Variants in LYPD6 observed in about 807,000 individuals in gnomAD.
The protein encoded by LYPD6 is LY6/PLAUR domain containing 6, also known as ly6/PLAUR domain-containing protein 6.
Under a neutral mutation model 22.7 loss-of-function variants are expected in LYPD6, and 15 were observed. The ratio of observed to expected loss-of-function variants is 0.66; its 90% CI spans 0.44 to 1.02. The LOEUF is 1.02. Ranked by LOEUF, LYPD6 falls within the 50% of genes least tolerant of loss-of-function variation. The probability of loss-of-function intolerance (pLI) is 0.00; values close to 1 mark genes in which losing one functional copy is unlikely to be tolerated. For missense variants in LYPD6, 189 were observed against 208.4 expected, an observed-to-expected ratio of 0.91 and a Z score of 0.57; for synonymous variants, 72 against 77.5, an observed-to-expected ratio of 0.93 and a Z score of 0.37.
chr2:149,376,072 G>A (rs1681914484), intron 1 of LYPD6, among the ~76,000 whole-genome samples: 2 of 152,162 alleles, frequency 1.3e-5, no homozygotes, highest in African/African-American at 2.4e-5. Flanking sequence ...AAACACAAAA[G>A]GGCTGCATGC....
At chr2:149,378,912 A>C (rs902544743) in intron 1 of LYPD6, among the ~76,000 whole-genome samples, 6 of 152,208 alleles carry the variant, frequency 3.9e-5, no homozygotes, top group African/African-American at 1.4e-4. Flanking sequence ...CCTTGACCGG[A>C]ATATAGATCA....
At chr2:149,331,013 G>T (rs966800697) in intron 1 of LYPD6, among the ~76,000 whole-genome samples, 1 of 152,202 alleles carries the variant, frequency 6.6e-6, no homozygotes, top group Non-Finnish European at 1.5e-5. Context: ...GAGCTGCCAA[G>T]TTCAAGGCTG....
intron 1 of LYPD6, among the ~76,000 whole-genome samples, chr2:149,341,301 C>T (rs1432149229): frequency 6.6e-6 from 1 of 152,134 alleles, no homozygotes; most frequent in Admixed American, 6.5e-5. Context: ...TGCTTCTCAT[C>T]CTTCAAAGCC....
At chr2:149,415,987 T>G (rs1470277082) in intron 1 of LYPD6, among the ~76,000 whole-genome samples, 1 of 152,164 alleles carries the variant, frequency 6.6e-6, no homozygotes, top group Non-Finnish European at 1.5e-5. Context: ...CAGCCTAACC[T>G]GTAATTCTAA....
chr2:149,360,435 A>T (rs1442956782), intron 1 of LYPD6, among the ~76,000 whole-genome samples: 2 of 152,220 alleles, frequency 1.3e-5, no homozygotes, highest in African/African-American at 4.8e-5. Flanking sequence ...CTGACACCTC[A>T]GTGGCATCAA....
chr2:149,372,207 G>T (rs986641013), intron 1 of LYPD6, among the ~76,000 whole-genome samples: 1 of 152,080 alleles, frequency 6.6e-6, no homozygotes, highest in Non-Finnish European at 1.5e-5. Context: ...TCAAGCTGCC[G>T]CAGCACAGCC....
intron 2 of LYPD6, among the ~76,000 whole-genome samples, chr2:149,439,173 C>T (rs1683500429): frequency 6.6e-6 from 1 of 152,146 alleles, no homozygotes. Context: ...GAATACAATG[C>T]TCCAGTGTTG....
At position 149,470,683 on chromosome 2, in the gene LYPD6, G is replaced by T. The variant is rs148448237; in HGVS notation, c.349G>T (p.Val117Phe). ...CRDSEHEGHK[V>F]CTSCCEGNIC... ...ATCTTTTTTTCTTCCTTTCTTTCAG[G>T]TCTGCACTTCTTGTTGTGAAGGAAA... Residue 117 changes from valine (V) to phenylalanine (F), a missense_variant and splice_region_variant, in exon 5 of 5, where the codon GTC becomes TTC. Physicochemically the swap from Val to Phe is conservative, Grantham distance 50. Coordinates refer to ENST00000334166, the MANE Select transcript of LYPD6 (RefSeq NM_194317.5). 2 of 1,612,470 alleles carry T rather than the reference G, an allele frequency of 1.2e-6. No homozygotes were observed. Among genetic ancestry groups the T allele is most frequent in the Non-Finnish European group, 1.7e-6 (2 of 1,178,842 alleles).
At chr2:149,464,869 A>G (rs190411963) in intron 3 of LYPD6, among the ~76,000 whole-genome samples, 65 of 152,316 alleles carry the variant, frequency 4.3e-4, no homozygotes, top group Middle Eastern at 3.4e-3. Flanking sequence ...AGTTCAAGTT[A>G]CTGGAGAAGC....
At chr2:149,372,868 TG>T (rs1394833388) in intron 1 of LYPD6, among the ~76,000 whole-genome samples, 1 of 152,186 alleles carries the variant, frequency 6.6e-6, no homozygotes, top group African/African-American at 2.4e-5. Context: ...TTTACAGCAG[TG>T]AAAAAGAATA....
chr2:149,464,259 G>C (rs1326438727), intron 3 of LYPD6: 1 of 306,192 alleles, frequency 3.3e-6, no homozygotes. Flanking sequence ...CATTGACCTG[G>C]TTGGGAGGAA....
chr2:149,336,930 TGTGTGTGTGTGTGTGTG>T (rs1681045913), intron 1 of LYPD6, among the ~76,000 whole-genome samples: 4 of 150,822 alleles, frequency 2.7e-5, no homozygotes, highest in Non-Finnish European at 5.9e-5. Flanking sequence ...TGAAATAACG[TGTGTGTGTGTGTGTGTG>T]TGTGTGTGTG....
intron 1 of LYPD6, among the ~76,000 whole-genome samples, chr2:149,425,907 C>T (rs780789659): frequency 1.8e-4 from 27 of 152,252 alleles, no homozygotes; most frequent in Admixed American, 9.2e-4. Flanking sequence ...AATAAAACTG[C>T]GATGGTCTTT....
At chr2:149,482,139 T>TA in the LYPD6 span, among the ~76,000 whole-genome samples, 3 of 152,066 alleles carry the variant, frequency 2.0e-5, no homozygotes, top group Non-Finnish European at 2.9e-5. Flanking sequence ...CTACTTACTT[T>TA]AAAAAAAATT....
At chr2:149,456,935 G>A (rs1407540117) in intron 3 of LYPD6, among the ~76,000 whole-genome samples, 1 of 152,134 alleles carries the variant, frequency 6.6e-6, no homozygotes, top group Non-Finnish European at 1.5e-5. Context: ...AATATTATGT[G>A]AGATTCATCC....
intron 3 of LYPD6, among the ~76,000 whole-genome samples, chr2:149,453,268 G>A (rs1342133198): frequency 1.3e-5 from 2 of 152,120 alleles, no homozygotes; most frequent in African/African-American, 4.8e-5. Context: ...TTGGATCTAC[G>A]TTTGCCCATG....
At chr2:149,477,868 G>T (rs995529264), downstream of LYPD6, among the ~76,000 whole-genome samples, 1 of 152,118 alleles carries the variant, frequency 6.6e-6, no homozygotes. Context: ...GCTCAGATAG[G>T]CATCAAAAGG....
chr2:149,339,531 A>G (rs1307460134), intron 1 of LYPD6, among the ~76,000 whole-genome samples: 1 of 152,184 alleles, frequency 6.6e-6, no homozygotes, highest in Non-Finnish European at 1.5e-5. Context: ...ACTTGTTACT[A>G]TGACGTTTTT....
chr2:149,476,715 C>T (rs564208918), downstream of LYPD6, among the ~76,000 whole-genome samples: 6 of 152,336 alleles, frequency 3.9e-5, no homozygotes, highest in South Asian at 1.2e-3. Flanking sequence ...GACTTAGTGT[C>T]TTGCTCCTCT....
Sources: allele counts gnomAD v4.1 joint callset (sites outside exome capture counted in the v4.1 genomes callset), GRCh38; gene constraint gnomAD v4.1.1; transcripts MANE v1.5; gene names NCBI Gene and HGNC (gene_info 2026-07-23, HGNC 2026-07-21).